Variants in GGACT observed in about 807,000 individuals in gnomAD.
GGACT encodes gamma-glutamylamine cyclotransferase, also known as gamma-glutamylaminecyclotransferase.
For synonymous variants in GGACT, 118 were observed against 115.3 expected (o/e 1.02, Z -0.15); for missense variants, 241 against 233.2 (o/e 1.03, Z -0.22).
At chr13:100,551,582 C>A (rs894258289) in intron 2 of GGACT, among the ~76,000 whole-genome samples, 12 of 152,122 alleles carry the variant, frequency 7.9e-5, no homozygotes, top group African/African-American at 2.9e-4. Flanking sequence ...AGTTGAAGCA[C>A]CTTAAAAGTG....
intron 1 of GGACT, chr13:100,586,795 T>G (rs1168487956): frequency 6.6e-6 from 1 of 152,370 alleles, no homozygotes; most frequent in Admixed American, 6.5e-5. Flanking sequence ...TTCCAATAGC[T>G]AAGTCTTTTC....
intron 2 of GGACT, among the ~76,000 whole-genome samples, chr13:100,561,432 TGATG>T (rs2088758843): frequency 6.6e-6 from 1 of 152,212 alleles, no homozygotes. Flanking sequence ...AGTTAATAGT[TGATG>T]GATGAAGATG....
chr13:100,579,375 G>A (rs759446279), intron 2 of GGACT, among the ~76,000 whole-genome samples: 7 of 152,108 alleles, frequency 4.6e-5, no homozygotes, highest in Non-Finnish European at 7.4e-5. Flanking sequence ...ACTTTCTCCT[G>A]CGTGTGTCTT....
intron 1 of GGACT, among the ~76,000 whole-genome samples, chr13:100,586,463 T>C (rs1479860579): frequency 6.6e-6 from 1 of 152,144 alleles, no homozygotes; most frequent in East Asian, 1.9e-4. Flanking sequence ...TGGAGAGCCT[T>C]GCTTTCCAGG....
At chr13:100,535,541 G>A (rs993565525) in intron 2 of GGACT, among the ~76,000 whole-genome samples, 8 of 152,120 alleles carry the variant, frequency 5.3e-5, no homozygotes, top group East Asian at 3.9e-4. Context: ...ACCAACACAC[G>A]TGGTCCTGTG....
chr13:100,550,339 CACACACACACA>C (rs571863646), intron 2 of GGACT, among the ~76,000 whole-genome samples: 8 of 125,684 alleles, frequency 6.4e-5, no homozygotes, highest in Middle Eastern at 3.7e-3. Flanking sequence ...CACACACACA[CACACACACACA>C]CACACCACTG....
intron 2 of GGACT, among the ~76,000 whole-genome samples, chr13:100,579,209 G>T (rs1875339714): frequency 6.6e-6 from 1 of 152,128 alleles, no homozygotes; most frequent in Non-Finnish European, 1.5e-5. Flanking sequence ...AGGCTAGCAT[G>T]CAAAAACAAT....
rs1036179033 is a variant in GGACT at position 100,530,884 on chromosome 13, A to G, written c.*1246T>C. On this transcript the variant is annotated 3_prime_UTR_variant, in exon 3 of 3. Coordinates refer to ENST00000683975, the MANE Select transcript of GGACT (RefSeq NM_001195087.2). ...AGTCACAAGGAGCTTGGGCTGCCTC[A>G]CCGCCCTCATCAAGCACAGGGCCGC... is the stretch of plus-strand genomic sequence containing the variant. 4 of 153,048 alleles carry G rather than the reference A, an allele frequency of 2.6e-5. No individual in the cohort carries two copies. Among genetic ancestry groups the G allele is most frequent in the African/African-American group, 9.7e-5 (4 of 41,444 alleles). 9.5% of individuals were successfully genotyped at this position (153,048 alleles called of 1,614,324 possible). A position where few individuals can be genotyped will look rare whatever the true frequency, so the allele number is the denominator to read the frequency against.
chr13:100,576,658 T>C (rs1319762880), intron 2 of GGACT, among the ~76,000 whole-genome samples: 2 of 152,138 alleles, frequency 1.3e-5, no homozygotes, highest in Non-Finnish European at 2.9e-5. Flanking sequence ...AAAATCAGCC[T>C]CAAAGGTTGC....
Position 100,584,582 on chromosome 13 carries a change from T to C in GGACT, c.-183-585A>G, listed in dbSNP as rs184074948. On this transcript the variant is annotated intron_variant, in intron 1 of 2. Transcript: ENST00000683975. ...ATTTGATAGCACAACAGGGTGACTA[T>C]AGTCAGTAATAATGTAACTATACAT... Among the ~76,000 whole-genome samples the C allele has an allele frequency of 1.2e-3, 182 of 152,296 alleles. 1 individual carries two copies. The highest frequency in any genetic ancestry group is 4.0e-3 in the Admixed American group (61 of 15,300).
In GGACT at chr13:100,530,212, G is replaced by A; in HGVS notation, c.*1918C>T. The A allele has an allele frequency of 7.1e-7, 1 of 1,416,238 alleles. No individual in the cohort carries two copies. The highest frequency in any genetic ancestry group is 1.0e-6 in the Non-Finnish European group (1 of 1,000,226). The allele number at this position is 1,416,238 out of a possible 1,614,324, so 87.7% of individuals were successfully genotyped here. On this transcript the variant is annotated 3_prime_UTR_variant, in exon 3 of 3. Coordinates refer to ENST00000683975, the MANE Select transcript of GGACT (RefSeq NM_001195087.2). Reference sequence around the variant, plus strand: ...CATCACCCAATTTAATTAGCCATTTGCATGATGCTTTCACACACAATTGAT... The same window carrying A: ...CATCACCCAATTTAATTAGCCATTTACATGATGCTTTCACACACAATTGAT...
At chr13:100,548,112 C>G (rs555865578) in intron 2 of GGACT, among the ~76,000 whole-genome samples, 124 of 152,358 alleles carry the variant, frequency 8.1e-4, no homozygotes, top group African/African-American at 2.9e-3. Context: ...GGCAACTTCT[C>G]GTCTACCTTG....
In GGACT at chr13:100,532,340, G is replaced by T. The variant is rs188503423; in HGVS notation, c.252C>A (p.Cys84Ter). Residue 84 changes from cysteine (C) to a stop codon, truncating the protein, a stop_gained, in exon 3 of 3, where the codon TGC becomes TGA. Coordinates refer to ENST00000683975, the MANE Select transcript of GGACT (RefSeq NM_001195087.2). LOFTEE classifies it low-confidence loss of function (END_TRUNC). ...MLRFLDDFES[C>*]PALYQRTVLR... ...GCACCGTGCGCTGGTACAGGGCCGG[G>T]CAACTCTCGAAGTCATCCAGAAAGC... 1.3e-6 allele frequency: 2 copies of T among 1,550,412 alleles called. No homozygotes were observed. Among genetic ancestry groups the T allele is most frequent in the African/African-American group, 1.4e-5 (1 of 73,038 alleles).
intron 1 of GGACT, among the ~76,000 whole-genome samples, chr13:100,587,760 G>A (rs567737858): frequency 9.9e-5 from 15 of 152,228 alleles, no homozygotes; most frequent in Non-Finnish European, 1.9e-4. Context: ...GGGTGCAGTG[G>A]CTCATGCCTG....
chr13:100,553,793 A>G (rs1417600526), intron 2 of GGACT, among the ~76,000 whole-genome samples: 7 of 150,896 alleles, frequency 4.6e-5, no homozygotes, highest in Non-Finnish European at 8.8e-5. Context: ...GCAGTGAGCC[A>G]AGATCGCGCC....
intron 2 of GGACT, among the ~76,000 whole-genome samples, chr13:100,569,257 T>C (rs1875004841): frequency 6.6e-6 from 1 of 152,244 alleles, no homozygotes; most frequent in South Asian, 2.1e-4. Flanking sequence ...AGAGGTTCTC[T>C]ATGAGGGCTC....
At chr13:100,568,762 C>A (rs1228560555) in intron 2 of GGACT, among the ~76,000 whole-genome samples, 3 of 152,196 alleles carry the variant, frequency 2.0e-5, no homozygotes, top group Non-Finnish European at 1.5e-5. Context: ...TGATACAAAG[C>A]AAGTCCCCTC....
At chr13:100,584,106 T>G (rs1205506913) in intron 1 of GGACT, 109 bp from the exon 2 acceptor site, 1 of 152,112 alleles carries the variant, frequency 6.6e-6, no homozygotes, top group East Asian at 1.9e-4. Flanking sequence ...GAAGGCAATC[T>G]CAGACCCTGG....
At chr13:100,581,272 TC>T (rs1875409429) in intron 2 of GGACT, among the ~76,000 whole-genome samples, 1 of 152,126 alleles carries the variant, frequency 6.6e-6, no homozygotes, top group South Asian at 2.1e-4. Context: ...GGACCAGGGT[TC>T]CCCAGAGAAA....
Sources: allele counts gnomAD v4.1 joint callset (sites outside exome capture counted in the v4.1 genomes callset), GRCh38; gene constraint gnomAD v4.1.1; transcripts MANE v1.5; gene names NCBI Gene and HGNC (gene_info 2026-07-23, HGNC 2026-07-21).